Variants in PCDHGB4 observed in about 807,000 individuals in gnomAD.
PCDHGB4 encodes protocadherin gamma subfamily B, 4.
In PCDHGB4, 38 loss-of-function variants were observed where a neutral mutation model predicts 60.5. That is an observed-to-expected ratio of 0.63 (90% confidence interval 0.48 to 0.82). PCDHGB4 has a LOEUF of 0.82. PCDHGB4 is among the 40% of genes least tolerant of loss of function. The pLI, the probability that PCDHGB4 is intolerant of heterozygous loss-of-function variation, is 0.00. For synonymous variants in PCDHGB4, 456 were observed against 509.7 expected (o/e 0.89, Z 1.42); for missense variants, 1,109 against 1,209.6 (o/e 0.92, Z 1.23).
At chr5:141,483,240 T>C (rs2099578643) in intron 1 of PCDHGB4, among the ~76,000 whole-genome samples, 2 of 151,742 alleles carry the variant, frequency 1.3e-5, no homozygotes, top group Non-Finnish European at 1.5e-5. Flanking sequence ...TGAACTGATA[T>C]GCATATATCA....
intron 1 of PCDHGB4, among the ~76,000 whole-genome samples, chr5:141,439,599 G>A (rs1319524199): frequency 6.6e-6 from 1 of 152,146 alleles, no homozygotes; most frequent in Non-Finnish European, 1.5e-5. Flanking sequence ...TGGCCAGTCT[G>A]GAAACAGAGA....
intron 1 of PCDHGB4, chr5:141,393,311 C>T: frequency 6.2e-7 from 1 of 1,613,484 alleles, no homozygotes; most frequent in Non-Finnish European, 8.5e-7. Context: ...GCGTGAACTC[C>T]CTCCAGAGCT....
Position 141,511,403 on chromosome 5 carries a change from AC to A in PCDHGB4, c.*231del. ...TCCGCTGGGAACCCCCATCCAATCA[AC>A]TGCTGTACCCATGGGGGTAGTGGGG... is the stretch of plus-strand genomic sequence containing the variant. On this transcript the variant is annotated 3_prime_UTR_variant, in exon 4 of 4. Coordinates refer to ENST00000519479, the MANE Select transcript of PCDHGB4 (RefSeq NM_003736.4). 1.1e-6 allele frequency: 1 copy of A among 939,022 alleles called. No homozygotes were observed. The highest frequency in any genetic ancestry group is 1.5e-6 in the Non-Finnish European group (1 of 650,838). The allele number at this position is 939,022 out of a possible 1,614,324, so 58.2% of individuals were successfully genotyped here. A position where few individuals can be genotyped will look rare whatever the true frequency, so the allele number is the denominator to read the frequency against.
chr5:141,483,133 T>C (rs1263073911), intron 1 of PCDHGB4, among the ~76,000 whole-genome samples: 25 of 152,142 alleles, frequency 1.6e-4, no homozygotes, highest in South Asian at 1.2e-3. Flanking sequence ...GGAGATGAGG[T>C]GAAGCAAGTA....
rs201538255 is a variant in PCDHGB4 at position 141,476,796 on chromosome 5, G to A, written c.2398-18011G>A. 10 of 1,613,584 alleles carry A rather than the reference G, an allele frequency of 6.2e-6. No individual in the cohort carries two copies. In the East Asian group the frequency reaches 2.2e-4, roughly 36 times the overall value. On this transcript the variant is annotated intron_variant, in intron 1 of 3. Transcript: ENST00000519479. This position sits in a 1 kb window ranked among gnomAD's most constrained non-coding sequence, Gnocchi z 7.6. Reference sequence around the variant, plus strand: ...GGAGGGACCCCAGCTCTCTCCGCCAGCCTGCCTATTCACATCAAGGTGCTG... The same window carrying A: ...GGAGGGACCCCAGCTCTCTCCGCCAACCTGCCTATTCACATCAAGGTGCTG...
chr5:141,490,891 C>A lies in PCDHGB4; in HGVS notation c.2398-3916C>A, dbSNP rs1462296497. The A allele has an allele frequency of 6.2e-7, 1 of 1,613,204 alleles. No homozygotes were observed. Among genetic ancestry groups the A allele is most frequent in the Non-Finnish European group, 8.5e-7 (1 of 1,179,262 alleles). On this transcript the variant is annotated intron_variant, in intron 1 of 3. Transcript: ENST00000519479. This position sits in a 1 kb window ranked among gnomAD's most constrained non-coding sequence, Gnocchi z 5.4. ...CCCATTGCATGCCAACACATCTCTGCATGTGTTTGTCCTAGACGAGAATGA... is the reference window on the plus strand; with the variant it reads ...CCCATTGCATGCCAACACATCTCTGAATGTGTTTGTCCTAGACGAGAATGA...
At chr5:141,410,235 G>A (rs753193390) in intron 1 of PCDHGB4, 2 of 1,613,970 alleles carry the variant, frequency 1.2e-6, no homozygotes, top group South Asian at 1.1e-5. Context: ...CTCAGCGACC[G>A]CCCTGTACTC....
At chr5:141,468,191 G>A (rs1420885521) in intron 1 of PCDHGB4, among the ~76,000 whole-genome samples, 1 of 151,860 alleles carries the variant, frequency 6.6e-6, no homozygotes, top group African/African-American at 2.4e-5. Flanking sequence ...TGGGCATGGT[G>A]GCGGGTGCCT....
chr5:141,478,246 C>T (rs1305046488), intron 1 of PCDHGB4: 1 of 1,614,100 alleles, frequency 6.2e-7, no homozygotes, highest in Admixed American at 1.7e-5. Context: ...TCACAGTGTT[C>T]GGAGTAATCA....
At chr5:141,420,218 C>T (rs762476625) in intron 1 of PCDHGB4, 11 of 1,608,290 alleles carry the variant, frequency 6.8e-6, no homozygotes, top group Admixed American at 1.7e-5. Flanking sequence ...AGATAGCATG[C>T]TACTGGCTAG....
intron 1 of PCDHGB4, among the ~76,000 whole-genome samples, chr5:141,472,542 GA>G (rs904556404): frequency 1.6e-4 from 23 of 147,144 alleles, no homozygotes; most frequent in African/African-American, 4.2e-4. Context: ...ACCATCTCAA[GA>G]AAAAAAAAAT....
intron 1 of PCDHGB4, among the ~76,000 whole-genome samples, chr5:141,452,401 G>C (rs2098740635): frequency 6.6e-6 from 1 of 152,134 alleles, no homozygotes. Flanking sequence ...CTAAGATCTG[G>C]GTGTGAGGTA....
intron 1 of PCDHGB4, chr5:141,400,720 T>G (rs2150871186): frequency 1.5e-6 from 1 of 669,356 alleles, no homozygotes; most frequent in Non-Finnish European, 2.5e-6. Context: ...CCTTATAGAT[T>G]TACAAAGTAG....
intron 1 of PCDHGB4, chr5:141,404,421 C>T (rs199749783): frequency 1.2e-6 from 2 of 1,613,574 alleles, no homozygotes; most frequent in Non-Finnish European, 1.7e-6. Flanking sequence ...GTTATTTACT[C>T]CTTGGCAGAG....
intron 1 of PCDHGB4, among the ~76,000 whole-genome samples, chr5:141,466,360 G>A (rs2099121274): frequency 6.6e-6 from 1 of 152,070 alleles, no homozygotes; most frequent in South Asian, 2.1e-4. Context: ...TAATCTAGAT[G>A]TAATGGTTTT....
chr5:141,433,286 T>C (rs2097581877), intron 1 of PCDHGB4: 2 of 1,143,608 alleles, frequency 1.7e-6, no homozygotes, highest in African/African-American at 1.6e-5. Flanking sequence ...CTCAAACTCC[T>C]AGGCTCAAGC....
intron 1 of PCDHGB4, chr5:141,441,986 C>G (rs2098288559): frequency 7.4e-6 from 2 of 269,216 alleles, no homozygotes; most frequent in Non-Finnish European, 1.5e-5. Flanking sequence ...GAATGCGCAC[C>G]GACGAGGTGC....
intron 3 of PCDHGB4, among the ~76,000 whole-genome samples, chr5:141,505,868 G>T (rs2099848820): frequency 6.6e-6 from 1 of 152,170 alleles, no homozygotes; most frequent in Admixed American, 6.5e-5. Context: ...GGACCCCAAA[G>T]GGTTGTTGTA....
chr5:141,498,042 A>G (rs1189035278), intron 2 of PCDHGB4, among the ~76,000 whole-genome samples: 2 of 152,238 alleles, frequency 1.3e-5, no homozygotes, highest in Non-Finnish European at 2.9e-5. Flanking sequence ...AATAATTACA[A>G]AAATAAATGT....
Sources: gnomAD v4.1 joint callset for allele counts (sites outside exome capture counted in the v4.1 genomes callset) on GRCh38, gnomAD v4.1.1 for gene constraint, Gnocchi (gnomAD v3.1) non-coding constraint, MANE v1.5 for transcripts, NCBI Gene and HGNC (gene_info 2026-07-23, HGNC 2026-07-21) for gene names.